RALGAPA1: variants seen among roughly 807,000 people sequenced by gnomAD.
The protein encoded by RALGAPA1 is ral GTPase-activating protein subunit alpha-1.
A neutral mutation model predicts 269.6 loss-of-function variants in RALGAPA1; 52 were observed. That is an observed-to-expected ratio of 0.19 (90% confidence interval 0.15 to 0.24). The LOEUF (loss-of-function observed/expected upper bound fraction) is 0.24. Among genes scored for constraint, RALGAPA1 ranks in the 10% least tolerant of loss-of-function variants. RALGAPA1 has a pLI of 1.00. For synonymous variants in RALGAPA1, 817 were observed against 1,008.3 expected (o/e 0.81, Z 3.60); for missense variants, 1,917 against 3,013.9 (o/e 0.64, Z 8.52).
intron 39 of RALGAPA1, among the ~76,000 whole-genome samples, chr14:35,554,238 T>C (rs2055318533): frequency 6.6e-6 from 1 of 152,022 alleles, no homozygotes; most frequent in African/African-American, 2.4e-5. Flanking sequence ...ATGGTGAGTT[T>C]CCACATCATA....
intron 37 of RALGAPA1, among the ~76,000 whole-genome samples, chr14:35,583,938 A>C (rs867316825): frequency 6.6e-6 from 1 of 152,168 alleles, no homozygotes; most frequent in Non-Finnish European, 1.5e-5. Context: ...CTGTAGACCT[A>C]CCTTTCAAGA....
chr14:35,729,670 C>A (rs891068394), intron 12 of RALGAPA1, among the ~76,000 whole-genome samples: 1 of 152,104 alleles, frequency 6.6e-6, no homozygotes, highest in Non-Finnish European at 1.5e-5. Context: ...GCTTGAGGAA[C>A]GGCAAGGAGT....
In RALGAPA1 at chr14:35,570,653, C is replaced by T. The variant is rs771665541; in HGVS notation, c.7460G>A (p.Arg2487His). 7.5e-6 allele frequency: 12 copies of T among 1,608,960 alleles called. No homozygotes were observed. Among genetic ancestry groups the T allele is most frequent in the Admixed American group, 5.1e-5 (3 of 59,162 alleles). The change falls in exon 39 of 42, where the codon CGT becomes CAT. Residue 2487 changes from arginine (R) to histidine (H), a missense_variant. By Grantham distance (29) the Arg-to-His change is conservative (BLOSUM62 0). Coordinates refer to ENST00000680220, the MANE Select transcript of RALGAPA1 (RefSeq NM_001346249.2). ...MVRATAINAS[R>H]ALKSLIPLYQ... ...CAATGGAATCAGAGATTTCAGAGCA[C>T]GGCTTGCATTTATAGCTGTTGCTCT...
At chr14:35,721,486 G>C (rs1301915294) in intron 16 of RALGAPA1, among the ~76,000 whole-genome samples, 2 of 152,064 alleles carry the variant, frequency 1.3e-5, no homozygotes, top group African/African-American at 4.8e-5. Context: ...TAAAAATAAT[G>C]TCCAATAAAT....
rs542725085 is a variant in RALGAPA1 at position 35,699,520 on chromosome 14, A to G, written c.2407+642T>C. Reference sequence around the variant, plus strand: ...ACCGTGCCAGTACTGGGGACCAACGACCTGAGGCAGAACTGGAAAGCTAAG... The same window carrying G: ...ACCGTGCCAGTACTGGGGACCAACGGCCTGAGGCAGAACTGGAAAGCTAAG... On this transcript the variant is annotated intron_variant, in intron 17 of 41. Coordinates refer to ENST00000680220, the MANE Select transcript of RALGAPA1 (RefSeq NM_001346249.2). 4.6e-5 allele frequency among the ~76,000 whole-genome samples: 7 copies of G among 152,290 alleles called. No individual in the cohort carries two copies. The East Asian group carries it at 1.3e-3, about 29-fold the overall frequency.
chr14:35,808,676 G>C, intron 1 of RALGAPA1, 54 bp downstream of exon 1: 1 of 1,558,904 alleles, frequency 6.4e-7, no homozygotes, highest in South Asian at 1.2e-5. Context: ...GGGCTCCCAG[G>C]AGAGGGAAGG....
Position 35,689,452 on chromosome 14 carries a change from C to G in RALGAPA1, c.2959G>C (p.Asp987His), listed in dbSNP as rs2066291350. The G allele has an allele frequency of 8.1e-7, 1 of 1,232,508 alleles. No homozygotes were observed. The highest frequency in any genetic ancestry group is 1.6e-5 in the African/African-American group (1 of 64,420). 76.3% of individuals were successfully genotyped at this position (1,232,508 alleles called of 1,614,324 possible). The change falls in exon 18 of 42, where the codon GAT becomes CAT. Residue 987 changes from aspartate to histidine, a missense_variant. By Grantham distance (81) the Asp-to-His change is moderately conservative (BLOSUM62 -1). This residue lies in a region of RALGAPA1 where 615 missense variants were observed against 790.0 expected (regional missense o/e 0.78). Transcript: ENST00000680220. ...RLSLDKLECT[D>H]QETESENITS... ...ATATTTTCTGATTCAGTTTCCTGAT[C>G]TGTGCATTCTAATTTATCTAAGGAT...
At chr14:35,624,354 G>T (rs1362666400) in intron 35 of RALGAPA1, among the ~76,000 whole-genome samples, 1 of 151,990 alleles carries the variant, frequency 6.6e-6, no homozygotes, top group Non-Finnish European at 1.5e-5. Flanking sequence ...ATTACAGGAA[G>T]TGAGTAAAGA....
intron 35 of RALGAPA1, among the ~76,000 whole-genome samples, chr14:35,611,829 C>T (rs2059954926): frequency 6.6e-6 from 1 of 152,052 alleles, no homozygotes; most frequent in South Asian, 2.1e-4. Context: ...CCCAAAATGG[C>T]CAAAACAATC....
chr14:35,591,938 C>T (rs759576956), intron 37 of RALGAPA1, among the ~76,000 whole-genome samples: 4 of 152,122 alleles, frequency 2.6e-5, no homozygotes, highest in Non-Finnish European at 4.4e-5. Context: ...CCCCTTTGTT[C>T]GCTCTCTTGC....
chr14:35,685,150 A>G lies in RALGAPA1; in HGVS notation c.4078-5T>C. 6.4e-7 allele frequency: 1 copy of G among 1,553,288 alleles called. No homozygotes were observed. The highest frequency in any genetic ancestry group is 8.7e-7 in the Non-Finnish European group (1 of 1,148,474). Reference sequence around the variant, plus strand: ...ACTTCCTCTTCTTGTCATAGTCTAAACGTTCAAGAAATATTTTACCATTAA... The same window carrying G: ...ACTTCCTCTTCTTGTCATAGTCTAAGCGTTCAAGAAATATTTTACCATTAA... On this transcript the variant is annotated splice_region_variant and splice_polypyrimidine_tract_variant and intron_variant, in intron 19 of 41. Coordinates refer to ENST00000680220, the MANE Select transcript of RALGAPA1 (RefSeq NM_001346249.2).
chr14:35,729,393 T>C, intron 12 of RALGAPA1, among the ~76,000 whole-genome samples: 1 of 151,910 alleles, frequency 6.6e-6, no homozygotes, highest in South Asian at 2.1e-4. Flanking sequence ...AGAGCATTTA[T>C]AAAAAAGTAT....
At chr14:35,767,757 CT>C (rs1224805151) in intron 4 of RALGAPA1, among the ~76,000 whole-genome samples, 1 of 151,956 alleles carries the variant, frequency 6.6e-6, no homozygotes, top group Non-Finnish European at 1.5e-5. Flanking sequence ...AGCAGAATTT[CT>C]CTCTTTTTTA....
Position 35,793,644 on chromosome 14 carries a change from C to A in RALGAPA1, c.106+15086G>T, listed in dbSNP as rs77571895. Reference sequence around the variant, plus strand: ...ATTTAGAATTAAAAAAATGTTTTAACCAAACACAACAACAACAAAGGGATG... The same window carrying A: ...ATTTAGAATTAAAAAAATGTTTTAAACAAACACAACAACAACAAAGGGATG... On this transcript the variant is annotated intron_variant, in intron 1 of 41. Transcript: ENST00000680220. Among the ~76,000 whole-genome samples the A allele has an allele frequency of 7.5e-3, 1,144 of 152,130 alleles. 20 individuals carry two copies. Among genetic ancestry groups the A allele is most frequent in the African/African-American group, 0.026 (1,086 of 41,488 alleles).
chr14:35,627,466 C>T lies in RALGAPA1; in HGVS notation c.6481G>A (p.Asp2161Asn). Reference protein sequence around the residue: ...NECLEDITVKDGLSLQFKRFR... With the variant: ...NECLEDITVKNGLSLQFKRFR... ...CTTTTAAACTGGAGAGAAAGTCCATCTTTTACGGTTATATCTTCTAAGCAT... is the reference window on the plus strand; with the variant it reads ...CTTTTAAACTGGAGAGAAAGTCCATTTTTTACGGTTATATCTTCTAAGCAT... Residue 2161 changes from aspartate (D) to asparagine (N), a missense_variant, in exon 34 of 42, where the codon GAT becomes AAT. By Grantham distance (23) the Asp-to-Asn change is conservative. Transcript: ENST00000680220. 3 of 1,613,520 alleles carry T rather than the reference C, an allele frequency of 1.9e-6. No homozygotes were observed. The highest frequency in any genetic ancestry group is 2.2e-5 in the East Asian group (1 of 44,874).
At chr14:35,667,282 C>T (rs2064019842) in intron 26 of RALGAPA1, among the ~76,000 whole-genome samples, 1 of 152,086 alleles carries the variant, frequency 6.6e-6, no homozygotes, top group Non-Finnish European at 1.5e-5. Context: ...CCTGTAGTCC[C>T]AGCTACTCGG....
At chr14:35,722,533 G>A (rs2069514063) in intron 15 of RALGAPA1, among the ~76,000 whole-genome samples, 1 of 151,780 alleles carries the variant, frequency 6.6e-6, no homozygotes, top group Non-Finnish European at 1.5e-5. Context: ...GATCCCTTGA[G>A]CCTGGGAGGT....
intron 16 of RALGAPA1, chr14:35,716,052 G>C: frequency 1.1e-5 from 11 of 984,604 alleles, no homozygotes; most frequent in Non-Finnish European, 1.3e-5. Flanking sequence ...TTTTTAAAAA[G>C]CCCCTTTCTT....
At chr14:35,596,199 C>T (rs1191008973) in intron 36 of RALGAPA1, among the ~76,000 whole-genome samples, 1 of 151,980 alleles carries the variant, frequency 6.6e-6, no homozygotes. Flanking sequence ...ATAAAACTGG[C>T]TTCCTGATTT....
Sources: gnomAD v4.1 joint callset for allele counts (sites outside exome capture counted in the v4.1 genomes callset) on GRCh38, gnomAD v4.1.1 for gene constraint, gnomAD v4.1.1 regional missense constraint, MANE v1.5 for transcripts, NCBI Gene and HGNC (gene_info 2026-07-23, HGNC 2026-07-21) for gene names.